The following TNRC6C variants were observed in gnomAD, a reference collection of about 807,000 sequenced individuals.
TNRC6C encodes trinucleotide repeat-containing gene 6C protein.
In TNRC6C, 20 loss-of-function variants were observed where a neutral mutation model predicts 153.7. That is an observed-to-expected ratio of 0.13 (90% CI 0.09 to 0.19). The LOEUF (loss-of-function observed/expected upper bound fraction) is 0.19. Ranked by LOEUF, TNRC6C falls within the 10% of genes least tolerant of loss-of-function variation. TNRC6C has a pLI of 1.00. For synonymous variants in TNRC6C, 811 were observed against 841.4 expected, an observed-to-expected ratio of 0.96 and a Z score of 0.63; for missense variants, 1,987 against 2,172.0, an observed-to-expected ratio of 0.91 and a Z score of 1.69.
chr17:77,977,305 G>A (rs1458788156), intron 1 of TNRC6C, among the ~76,000 whole-genome samples: 2 of 152,088 alleles, frequency 1.3e-5, no homozygotes, highest in Non-Finnish European at 2.9e-5. Context: ...ACTTCTGCTG[G>A]TATAAATTTT....
intron 6 of TNRC6C, 21 bp downstream of exon 8, chr17:78,071,186 C>T (rs1448044011): frequency 6.3e-7 from 1 of 1,583,100 alleles, no homozygotes; most frequent in Non-Finnish European, 8.6e-7. Flanking sequence ...TCGTAGTTTA[C>T]TGCTACCCAC....
At chr17:78,088,958 A>ACTT (rs1458857664) in intron 13 of TNRC6C, among the ~76,000 whole-genome samples, 1 of 99,210 alleles carries the variant, frequency 1.0e-5, no homozygotes, top group East Asian at 3.0e-4. Flanking sequence ...ACTTATCGTT[A>ACTT]CTTTTTTTTT....
intron 10 of TNRC6C, among the ~76,000 whole-genome samples, chr17:78,082,305 A>G (rs1202814428): frequency 1.3e-5 from 2 of 151,930 alleles, no homozygotes; most frequent in Non-Finnish European, 1.5e-5. Flanking sequence ...TCGTTTGATT[A>G]TGAGGTGAGA....
chr17:78,009,237 T>C (rs1042030660), intron 1 of TNRC6C, among the ~76,000 whole-genome samples: 2 of 152,156 alleles, frequency 1.3e-5, no homozygotes, highest in African/African-American at 2.4e-5. Flanking sequence ...TAATGAGTAA[T>C]CAGTTTTCTT....
intron 16 of TNRC6C, 59 bp downstream of exon 18, chr17:78,093,822 T>C: frequency 1.3e-6 from 2 of 1,594,880 alleles, no homozygotes; most frequent in South Asian, 1.1e-5. Context: ...CATTTGGAGA[T>C]GTCAGGGGTG....
At chr17:77,971,867 TAA>T (rs60316098) in intron 1 of TNRC6C, among the ~76,000 whole-genome samples, 5,937 of 142,382 alleles carry the variant, frequency 0.042, 253 homozygotes, top group African/African-American at 0.11. Context: ...TTAAGTGAGT[TAA>T]AAAAAAAAAA....
intron 2 of TNRC6C, among the ~76,000 whole-genome samples, chr17:78,033,584 G>T (rs918847320): frequency 1.3e-5 from 2 of 151,926 alleles, no homozygotes. Flanking sequence ...CAGGAGAATC[G>T]CTTGAACCTG....
At chr17:78,001,786 G>C (rs1438028325), upstream of TNRC6C, among the ~76,000 whole-genome samples, 1 of 151,938 alleles carries the variant, frequency 6.6e-6, no homozygotes. Context: ...GTCATGGGGG[G>C]AGGAGATATT....
At chr17:77,986,426 A>AAAG (rs56405899) in intron 1 of TNRC6C, among the ~76,000 whole-genome samples, 122,607 of 140,950 alleles carry the variant, frequency 0.87, 53,932 homozygotes, top group East Asian at 0.98. Context: ...AAAAAAAAAA[A>AAAG]AAGAAGAAGA....
chr17:78,102,359 A>T, intron 17 of TNRC6C, 115 bp from the exon 21 acceptor site: 1 of 934,384 alleles, frequency 1.1e-6, no homozygotes, highest in Middle Eastern at 3.3e-4. Flanking sequence ...GGCTTTCCTA[A>T]AGCACGCAGT....
At chr17:78,033,925 G>A (rs1007642306) in intron 2 of TNRC6C, among the ~76,000 whole-genome samples, 2 of 152,046 alleles carry the variant, frequency 1.3e-5, no homozygotes, top group African/African-American at 4.8e-5. Flanking sequence ...ACTGACGAGG[G>A]GTCCCCTCAC....
upstream of TNRC6C, among the ~76,000 whole-genome samples, chr17:78,001,667 A>G (rs1314014062): frequency 1.3e-5 from 2 of 152,222 alleles, no homozygotes; most frequent in African/African-American, 4.8e-5. Flanking sequence ...AGTTATACCA[A>G]CAGTGATCCA....
chr17:78,038,318 G>T, intron 2 of TNRC6C, among the ~76,000 whole-genome samples: 1 of 152,112 alleles, frequency 6.6e-6, no homozygotes, highest in Non-Finnish European at 1.5e-5. Context: ...TAGAAGAATG[G>T]GCAAAGAATG....
chr17:78,055,832 G>A (rs2072642738), intron 3 of TNRC6C, among the ~76,000 whole-genome samples: 2 of 152,160 alleles, frequency 1.3e-5, no homozygotes, highest in East Asian at 3.8e-4. Context: ...TTTTACAAAT[G>A]AGACCTAGGA....
At chr17:78,048,445 A>G (rs1567934434) in intron 2 of TNRC6C, among the ~76,000 whole-genome samples, 3 of 152,238 alleles carry the variant, frequency 2.0e-5, no homozygotes, top group Admixed American at 6.5e-5. Context: ...AAAGAGAACT[A>G]CAAGTTTTAT....
At chr17:78,052,163 C>T (rs1240168802) in intron 3 of TNRC6C, among the ~76,000 whole-genome samples, 1 of 152,144 alleles carries the variant, frequency 6.6e-6, no homozygotes, top group African/African-American at 2.4e-5. Flanking sequence ...GGCCAGAGGG[C>T]CAAGGCCACC....
upstream of TNRC6C, among the ~76,000 whole-genome samples, chr17:78,003,118 G>A (rs2071437594): frequency 6.6e-6 from 1 of 152,182 alleles, no homozygotes; most frequent in Non-Finnish European, 1.5e-5. Flanking sequence ...AAGCACCCTG[G>A]TGATCAGGTG....
intron 1 of TNRC6C, among the ~76,000 whole-genome samples, chr17:78,025,422 A>G (rs917040832): frequency 2.0e-5 from 3 of 152,162 alleles, no homozygotes; most frequent in African/African-American, 7.2e-5. Flanking sequence ...TCATGACTTG[A>G]TAACTAATTT....
exon 11 of TNRC6C, chr17:78,083,132 T>A: frequency 6.2e-7 from 1 of 1,613,952 alleles, no homozygotes; most frequent in Non-Finnish European, 8.5e-7. Context: ...CCTCAACATA[T>A]GACGATGTTG....
Sources: allele counts gnomAD v4.1 joint callset (sites outside exome capture counted in the v4.1 genomes callset), GRCh38; gene constraint gnomAD v4.1.1; transcripts MANE v1.5; gene names NCBI Gene and HGNC (gene_info 2026-07-23, HGNC 2026-07-21).